The following CFAP57 variants were observed in gnomAD, a reference collection of about 807,000 sequenced individuals.
The protein encoded by CFAP57 is cilia and flagella associated protein 57.
In CFAP57, 116 loss-of-function variants were observed where a neutral mutation model predicts 146.8. The ratio of observed to expected loss-of-function variants is 0.79; its 90% CI spans 0.68 to 0.92. The LOEUF (loss-of-function observed/expected upper bound fraction) is 0.92, where lower values mean the gene tolerates loss of function less well. CFAP57 is among the 40% of genes least tolerant of loss of function. CFAP57 has a pLI of 0.00. For synonymous variants in CFAP57, 518 were observed against 552.8 expected (o/e 0.94, Z 0.88); for missense variants, 1,377 against 1,527.2 (o/e 0.90, Z 1.64).
intron 4 of CFAP57, 139 bp from the exon 5 acceptor site, chr1:43,185,010 G>A (rs1293453508): frequency 3.3e-6 from 3 of 907,700 alleles, no homozygotes; most frequent in South Asian, 2.8e-5. Flanking sequence ...CAAGCCAAAG[G>A]GTAGTATTTG....
chr1:43,209,928 C>T lies in CFAP57; in HGVS notation c.1929+12C>T. ...GTCCTATCACCAAGGTGAGCAGGGC[C>T]CTCTCCCCAGGAACCCAGTCCCACA... On this transcript the variant is annotated intron_variant, in intron 11 of 22. Coordinates refer to ENST00000372492, the MANE Select transcript of CFAP57 (RefSeq NM_001378189.1). The T allele has an allele frequency of 6.2e-7, 1 of 1,614,168 alleles. No homozygotes were observed. Among genetic ancestry groups the T allele is most frequent in the Non-Finnish European group, 8.5e-7 (1 of 1,180,002 alleles).
At position 43,197,383 on chromosome 1, in the gene CFAP57, A is replaced by G. The variant is rs573141075; in HGVS notation, c.1123-170A>G. Among the ~76,000 whole-genome samples the G allele has an allele frequency of 1.7e-4, 26 of 152,252 alleles. No homozygotes were observed. The South Asian group carries it at 3.1e-3, about 18-fold the overall frequency. ...AACATAAAATAAAATAAAATAAAAAATAATAATAATATTGGCTCAGGAAAA... is the reference window on the plus strand; with the variant it reads ...AACATAAAATAAAATAAAATAAAAAGTAATAATAATATTGGCTCAGGAAAA... On this transcript the variant is annotated intron_variant, in intron 6 of 22. Coordinates refer to ENST00000372492, the MANE Select transcript of CFAP57 (RefSeq NM_001378189.1).
At chr1:43,227,275 A>G (rs1436331988) in intron 18 of CFAP57, 149 bp downstream of exon 18, 1 of 1,002,998 alleles carries the variant, frequency 1.0e-6, no homozygotes, top group African/African-American at 1.7e-5. Context: ...ACAGGGGTGC[A>G]ACAGGGAAGG....
intron 9 of CFAP57, among the ~76,000 whole-genome samples, 174 bp downstream of exon 9, chr1:43,199,677 G>A (rs899962222): frequency 6.6e-6 from 1 of 152,212 alleles, no homozygotes; most frequent in Non-Finnish European, 1.5e-5. Flanking sequence ...ACTAATTGCA[G>A]TTCCACTGAA....
chr1:43,209,799 T>C lies in CFAP57; in HGVS notation c.1812T>C (p.His604=). Residue 604 remains histidine, a synonymous_variant, in exon 11 of 23, where the codon CAT becomes CAC. Transcript: ENST00000372492. ...DVTYTAIVIS[H]SGRMMFVGTS... ...CCTACACCGCCATTGTCATCTCGCA[T>C]TCTGGACGCATGATGTTTGTGGGCA... The C allele has an allele frequency of 6.2e-7, 1 of 1,614,166 alleles. No individual in the cohort carries two copies. Among genetic ancestry groups the C allele is most frequent in the Non-Finnish European group, 8.5e-7 (1 of 1,180,028 alleles).
chr1:43,185,416 C>A (rs1470977032), intron 5 of CFAP57, 60 bp downstream of exon 5: 1 of 1,509,816 alleles, frequency 6.6e-7, no homozygotes, highest in Non-Finnish European at 9.2e-7. Flanking sequence ...TGTTCCCCAG[C>A]AGCAGTTCTC....
chr1:43,234,151 G>C, intron 19 of CFAP57, 128 bp from the exon 20 acceptor site: 1 of 1,103,602 alleles, frequency 9.1e-7, no homozygotes, highest in South Asian at 2.0e-5. Flanking sequence ...TATGGCCCCT[G>C]GCAGTCAGCT....
chr1:43,244,632 C>A (rs149042629), intron 22 of CFAP57, among the ~76,000 whole-genome samples: 2 of 152,066 alleles, frequency 1.3e-5, no homozygotes, highest in Admixed American at 1.3e-4. Flanking sequence ...GGGCCAGGTG[C>A]GGTGGCTCAC....
At position 43,227,949 on chromosome 1, in the gene CFAP57, A is replaced by G. The variant is rs142621037; in HGVS notation, c.3009+823A>G. Among the ~76,000 whole-genome samples, 40 of 152,296 alleles carry G rather than the reference A, an allele frequency of 2.6e-4. No homozygotes were observed. The East Asian group carries it at 6.0e-3, about 23-fold the overall frequency. ...ACTCCTTATCCAAATCATCACCAAC[A>G]TCTGTCTGATCAATTTCCAAAACAT... On this transcript the variant is annotated intron_variant, in intron 18 of 22. Transcript: ENST00000372492.
intron 6 of CFAP57, among the ~76,000 whole-genome samples, chr1:43,193,562 T>C (rs566793029): frequency 3.0e-4 from 46 of 152,206 alleles, no homozygotes; most frequent in African/African-American, 1.1e-3. Flanking sequence ...TATAATCAGA[T>C]TCAGTTTGAT....
chr1:43,236,517 TG>T (rs912694480), intron 21 of CFAP57, among the ~76,000 whole-genome samples: 2 of 113,556 alleles, frequency 1.8e-5, no homozygotes, highest in African/African-American at 6.8e-5. Context: ...AACCTGAGAG[TG>T]GGGGGTTCCT....
chr1:43,217,830 C>CTTTGAGCCTGATCT (rs544960428), intron 12 of CFAP57, among the ~76,000 whole-genome samples: 2,112 of 152,264 alleles, frequency 0.014, 53 homozygotes, highest in African/African-American at 0.049. Flanking sequence ...TGATCGGGTT[C>CTTTGAGCCTGATCT]GATGAGGACC....
chr1:43,213,511 GC>G (rs201036065), intron 11 of CFAP57, among the ~76,000 whole-genome samples: 13,527 of 92,062 alleles, frequency 0.15, 1,336 homozygotes, highest in African/African-American at 0.28. Flanking sequence ...TATGGGGGGG[GC>G]GGTGGAGCGC....
chr1:43,172,635 A>G (rs1569749602), intron 1 of CFAP57, 100 bp from the exon 2 acceptor site: 1 of 822,290 alleles, frequency 1.2e-6, no homozygotes, highest in East Asian at 4.2e-5. Flanking sequence ...GGGAGAGACA[A>G]GGGGAGGAGC....
Position 43,224,076 on chromosome 1 carries a change from C to T in CFAP57, c.2737C>T (p.Arg913Ter), listed in dbSNP as rs190140571. 5.5e-5 allele frequency: 85 copies of T among 1,550,476 alleles called. No homozygotes were observed. Among genetic ancestry groups the T allele is most frequent in the Non-Finnish European group, 6.0e-5 (69 of 1,146,966 alleles). The change falls in exon 17 of 23, where the codon CGA becomes TGA. Residue 913 changes from arginine to a stop codon, truncating the protein, a stop_gained. Transcript: ENST00000372492. LOFTEE classifies it high-confidence loss of function. ...FSSLQKEIEE[R>*]TNDIETLKGE... is the part of the protein sequence containing the mutation. ...CAGCCTACAGAAGGAGATTGAAGAA[C>T]GAACCAATGACATCGAGACCCTAAA...
chr1:43,185,707 C>G (rs1643020658), intron 5 of CFAP57, among the ~76,000 whole-genome samples: 1 of 143,924 alleles, frequency 6.9e-6, no homozygotes, highest in East Asian at 2.1e-4. Flanking sequence ...ATTATGAGGT[C>G]AGGAGTTTGA....
At chr1:43,218,772 A>G (rs1371740390) in intron 12 of CFAP57, among the ~76,000 whole-genome samples, 1 of 152,122 alleles carries the variant, frequency 6.6e-6, no homozygotes, top group East Asian at 1.9e-4. Flanking sequence ...CACTTACCAC[A>G]ATTTGTAATA....
chr1:43,186,679 A>G (rs1188212052), intron 5 of CFAP57, 28 bp from the exon 6 acceptor site: 2 of 1,612,832 alleles, frequency 1.2e-6, no homozygotes, highest in Non-Finnish European at 1.7e-6. Flanking sequence ...TGGGGACATT[A>G]CTGATAGCTG....
At chr1:43,205,750 T>C (rs929828506) in intron 9 of CFAP57, among the ~76,000 whole-genome samples, 1 of 152,024 alleles carries the variant, frequency 6.6e-6, no homozygotes, top group Non-Finnish European at 1.5e-5. Context: ...ATCCCAGCAG[T>C]TTCCCTTTCC....
Sources: gnomAD v4.1 joint callset for allele counts (sites outside exome capture counted in the v4.1 genomes callset) on GRCh38, gnomAD v4.1.1 for gene constraint, MANE v1.5 for transcripts, NCBI Gene and HGNC (gene_info 2026-07-23, HGNC 2026-07-21) for gene names.